STAU2: variants seen among roughly 807,000 people sequenced by gnomAD.
STAU2 encodes double-stranded RNA-binding protein Staufen homolog 2.
In STAU2, 20 loss-of-function variants were observed where a neutral mutation model predicts 65.9. That is an observed-to-expected ratio of 0.30 (90% confidence interval 0.21 to 0.44). The LOEUF (loss-of-function observed/expected upper bound fraction) is 0.44. STAU2 is among the 20% of genes least tolerant of loss of function. The pLI is 1.00. For missense variants in STAU2, 558 were observed against 683.9 expected (o/e 0.82, Z 2.05); for synonymous variants, 232 against 233.9 (o/e 0.99, Z 0.07).
chr8:73,555,760 C>T (rs1228653725), intron 12 of STAU2, among the ~76,000 whole-genome samples: 6 of 152,172 alleles, frequency 3.9e-5, no homozygotes, highest in East Asian at 3.9e-4. Context: ...TTTTCTATCA[C>T]GGACTTGAGC....
chr8:73,498,655 A>G (rs965980213), intron 13 of STAU2, among the ~76,000 whole-genome samples: 3 of 151,840 alleles, frequency 2.0e-5, no homozygotes, highest in Admixed American at 6.6e-5. Context: ...AGACAAACAC[A>G]TAGACTAATA....
At chr8:73,602,453 A>C (rs1243607546) in intron 10 of STAU2, among the ~76,000 whole-genome samples, 1 of 152,266 alleles carries the variant, frequency 6.6e-6, no homozygotes, top group African/African-American at 2.4e-5. Flanking sequence ...TCACGCCTGT[A>C]ATCCTAACAC....
At chr8:73,548,060 G>C (rs994844560) in intron 13 of STAU2, among the ~76,000 whole-genome samples, 3 of 152,014 alleles carry the variant, frequency 2.0e-5, no homozygotes, top group Non-Finnish European at 4.4e-5. Flanking sequence ...TTATATAAGG[G>C]ACTTGAGCGT....
At chr8:73,669,655 C>G (rs1444132437) in intron 6 of STAU2, among the ~76,000 whole-genome samples, 1 of 151,732 alleles carries the variant, frequency 6.6e-6, no homozygotes, top group African/African-American at 2.4e-5. Context: ...CTCTCTCTCT[C>G]TCTCTCTCTC....
chr8:73,641,756 T>A (rs567019952), intron 6 of STAU2, among the ~76,000 whole-genome samples: 2 of 152,212 alleles, frequency 1.3e-5, no homozygotes, highest in Non-Finnish European at 2.9e-5. Flanking sequence ...CTTATTAACA[T>A]CCAAAAAAAC....
rs961755822 is a variant in STAU2 at position 73,596,402 on chromosome 8, T to C, written c.1030-1105A>G. The stretch of plus-strand genomic sequence containing the variant: ...TGAGCAATTTATACATGTACTTAAA[T>C]ACACATCAACCATACAACTATAAAA... On this transcript the variant is annotated intron_variant, in intron 10 of 14. Transcript: ENST00000524300. Among the ~76,000 whole-genome samples the C allele has an allele frequency of 3.9e-5, 6 of 152,158 alleles. 1 individual carries two copies. In the South Asian group the frequency reaches 8.3e-4, roughly 21 times the overall value.
At chr8:73,519,481 T>C (rs1822927428) in intron 13 of STAU2, among the ~76,000 whole-genome samples, 1 of 152,186 alleles carries the variant, frequency 6.6e-6, no homozygotes, top group Non-Finnish European at 1.5e-5. Context: ...ATGCATAATA[T>C]GTTAGAACAA....
chr8:73,610,755 A>G (rs1420715636), intron 9 of STAU2, among the ~76,000 whole-genome samples: 1 of 152,246 alleles, frequency 6.6e-6, no homozygotes, highest in African/African-American at 2.4e-5. Flanking sequence ...CTCGTCTTAT[A>G]GAGGAGAATT....
intron 10 of STAU2, among the ~76,000 whole-genome samples, chr8:73,596,465 A>G (rs1811194707): frequency 6.6e-6 from 1 of 152,248 alleles, no homozygotes; most frequent in Admixed American, 6.5e-5. Flanking sequence ...AATTACAAGG[A>G]GAAATAGAAA....
intron 6 of STAU2, among the ~76,000 whole-genome samples, chr8:73,639,162 T>C (rs1814772645): frequency 6.6e-6 from 1 of 152,062 alleles, no homozygotes; most frequent in Non-Finnish European, 1.5e-5. Context: ...ATTTAACAGT[T>C]TAATAGTGAA....
chr8:73,528,771 T>A (rs1349487300), intron 13 of STAU2, among the ~76,000 whole-genome samples: 1 of 152,160 alleles, frequency 6.6e-6, no homozygotes, highest in Non-Finnish European at 1.5e-5. Flanking sequence ...CCTGAGTTAG[T>A]TCCTTGTCTT....
intron 13 of STAU2, among the ~76,000 whole-genome samples, chr8:73,436,568 T>TATTATTTATTTATTTA (rs1554589582): frequency 1.4e-5 from 2 of 141,468 alleles, no homozygotes; most frequent in African/African-American, 5.4e-5. Flanking sequence ...TTTGCCAATT[T>TATTATTTATTTATTTA]TTTATTTATT....
In STAU2 at chr8:73,673,247, T is replaced by TA; in HGVS notation, c.275-6_275-5insT. ...CCACAGTTGGAGTTATACTGCCTGT[T>TA]TAAAAAAAAAACATTAAAGGCACAC... On this transcript the variant is annotated splice_polypyrimidine_tract_variant and splice_region_variant and intron_variant, in intron 5 of 14. Transcript: ENST00000524300. 1.9e-6 allele frequency: 3 copies of TA among 1,546,576 alleles called. No homozygotes were observed. The highest frequency in any genetic ancestry group is 2.6e-6 in the Non-Finnish European group (3 of 1,150,200).
intron 13 of STAU2, among the ~76,000 whole-genome samples, chr8:73,492,221 T>C (rs762287934): frequency 1.1e-4 from 16 of 151,954 alleles, no homozygotes; most frequent in Non-Finnish European, 2.1e-4. Context: ...TACAAGCTAC[T>C]ATTATGTCAG....
At chr8:73,489,803 T>C (rs1216507384) in intron 13 of STAU2, among the ~76,000 whole-genome samples, 4 of 152,194 alleles carry the variant, frequency 2.6e-5, no homozygotes, top group East Asian at 1.9e-4. Context: ...GAGAGTTTTA[T>C]AGACTCAGTT....
At chr8:73,720,403 A>G (rs1042380981) in intron 3 of STAU2, among the ~76,000 whole-genome samples, 6 of 151,960 alleles carry the variant, frequency 3.9e-5, no homozygotes, top group African/African-American at 9.7e-5. Context: ...TTCTTTCAAA[A>G]TATATACATT....
chr8:73,583,949 A>G (rs976620548), intron 11 of STAU2, among the ~76,000 whole-genome samples: 1 of 152,210 alleles, frequency 6.6e-6, no homozygotes, highest in Admixed American at 6.5e-5. Context: ...GTTAACGGTC[A>G]AAGGTCAAAT....
chr8:73,634,219 C>T (rs2130058430), intron 6 of STAU2, among the ~76,000 whole-genome samples: 1 of 152,272 alleles, frequency 6.6e-6, no homozygotes, highest in Admixed American at 6.5e-5. Context: ...GTAATAACCT[C>T]CCAACTGCTC....
intron 13 of STAU2, among the ~76,000 whole-genome samples, chr8:73,471,843 A>AGAAGAAGG (rs756528242): frequency 3.4e-5 from 5 of 148,054 alleles, no homozygotes; most frequent in Non-Finnish European, 4.4e-5. Flanking sequence ...AAAAAGAGAG[A>AGAAGAAGG]AGAAGGAGAA....
Sources: allele counts gnomAD v4.1 joint callset (sites outside exome capture counted in the v4.1 genomes callset), GRCh38; gene constraint gnomAD v4.1.1; transcripts MANE v1.5; gene names NCBI Gene and HGNC (gene_info 2026-07-23, HGNC 2026-07-21).